Variants in DNAH11 observed in about 807,000 individuals in gnomAD.
The protein encoded by DNAH11 is axonemal beta dynein heavy chain 11.
Under a neutral mutation model 526.0 loss-of-function variants are expected in DNAH11, and 442 were observed. The observed-to-expected ratio is 0.84, with a 90% CI of 0.78 to 0.91. The LOEUF is 0.91. Ranked by LOEUF, DNAH11 falls within the 40% of genes least tolerant of loss-of-function variation. DNAH11 has a pLI of 0.00. For synonymous variants in DNAH11, 2,461 were observed against 1,935.9 expected, an observed-to-expected ratio of 1.27 and a Z score of -7.12; for missense variants, 6,989 against 5,448.7, an observed-to-expected ratio of 1.28 and a Z score of -8.90.
chr7:21,642,396 T>G (rs1212396860), intron 28 of DNAH11, among the ~76,000 whole-genome samples: 1 of 152,136 alleles, frequency 6.6e-6, no homozygotes, highest in Non-Finnish European at 1.5e-5. Context: ...AAATTCAACA[T>G]GCATTCTGAA....
rs746303967 is a variant in DNAH11 at position 21,744,597 on chromosome 7, G to A, written c.8314G>A (p.Glu2772Lys). ...RMLETAYKYF[E>K]GIDSHMLLQQ... ...GCTGGAAACTGCTTATAAATATTTT[G>A]AAGTAAGCGTATGAATGTCAGAGGT... Residue 2772 changes from glutamate to lysine, a missense_variant and splice_region_variant, in exon 50 of 82, where the codon GAA (glutamate) becomes AAA (lysine). By Grantham distance (56) the Glu-to-Lys change is moderately conservative. Coordinates refer to ENST00000409508, the MANE Select transcript of DNAH11 (RefSeq NM_001277115.2). The A allele has an allele frequency of 3.1e-6, 5 of 1,612,732 alleles. No individual in the cohort carries two copies. Among genetic ancestry groups the A allele is most frequent in the Non-Finnish European group, 4.2e-6 (5 of 1,179,640 alleles).
At chr7:21,609,468 C>G (rs942584900) in intron 20 of DNAH11, among the ~76,000 whole-genome samples, 2 of 152,122 alleles carry the variant, frequency 1.3e-5, no homozygotes, top group Admixed American at 1.3e-4. Context: ...GATCTGCCTG[C>G]CTCAGCCTCC....
chr7:21,585,850 C>G (rs75386083), intron 9 of DNAH11, among the ~76,000 whole-genome samples: 2,113 of 152,154 alleles, frequency 0.014, 53 homozygotes, highest in African/African-American at 0.048. Context: ...TTAAGGCAAA[C>G]CTTGCAGATC....
At chr7:21,796,311 T>G (rs1344884876) in intron 61 of DNAH11, among the ~76,000 whole-genome samples, 1 of 152,174 alleles carries the variant, frequency 6.6e-6, no homozygotes, top group East Asian at 1.9e-4. Context: ...GAACTGCCAC[T>G]GTCAGACAGG....
intron 29 of DNAH11, among the ~76,000 whole-genome samples, chr7:21,657,297 G>C (rs533613883): frequency 6.6e-6 from 1 of 152,162 alleles, no homozygotes; most frequent in Non-Finnish European, 1.5e-5. Context: ...GGGGAGTTCC[G>C]AAATGGCCCT....
At chr7:21,684,673 C>T (rs1056343792) in intron 32 of DNAH11, among the ~76,000 whole-genome samples, 8 of 152,112 alleles carry the variant, frequency 5.3e-5, no homozygotes, top group Non-Finnish European at 2.9e-5. Context: ...GACACTTGGC[C>T]AGTTTCAGGG....
intron 36 of DNAH11, among the ~76,000 whole-genome samples, chr7:21,699,496 C>A (rs897577604): frequency 1.3e-5 from 2 of 152,116 alleles, no homozygotes; most frequent in Non-Finnish European, 2.9e-5. Context: ...ACCACAGTTG[C>A]AACCACACAG....
chr7:21,655,949 C>A lies in DNAH11; in HGVS notation c.5062C>A (p.Pro1688Thr). 1 of 1,608,724 alleles carries A rather than the reference C, an allele frequency of 6.2e-7. No individual in the cohort carries two copies. The highest frequency in any genetic ancestry group is 8.5e-7 in the Non-Finnish European group (1 of 1,177,124). Reference protein sequence around the residue: ...GMYSKEKEYVPFQAECECVGH... With the variant: ...GMYSKEKEYVTFQAECECVGH... ...GTACAGCAAAGAAAAGGAGTATGTC[C>A]CATTCCAAGCCGAGTGTGAATGTGT... Residue 1688 changes from proline (P) to threonine (T), a missense_variant, in exon 29 of 82, where the codon CCA becomes ACA. Pro to Thr is a conservative substitution (Grantham distance 38, BLOSUM62 -1). Transcript: ENST00000409508.
At chr7:21,683,737 C>T (rs577337071) in intron 31 of DNAH11, 47 bp from the exon 32 acceptor site, 6 of 1,472,912 alleles carry the variant, frequency 4.1e-6, no homozygotes, top group Non-Finnish European at 5.4e-6. Context: ...AACTTGTTGC[C>T]CCAAACTACC....
intron 35 of DNAH11, among the ~76,000 whole-genome samples, chr7:21,691,496 G>A (rs141140155): frequency 0.012 from 1,794 of 152,086 alleles, 35 homozygotes; most frequent in African/African-American, 0.041. Context: ...CACTCTAGCC[G>A]CAGGGTCCCC....
intron 65 of DNAH11, among the ~76,000 whole-genome samples, chr7:21,823,592 T>C (rs1178171451): frequency 6.6e-6 from 1 of 152,148 alleles, no homozygotes. Flanking sequence ...CCCCTTACAA[T>C]ATGCTTAATT....
In DNAH11 at chr7:21,892,592, C is replaced by T. The variant is rs1364246155; in HGVS notation, c.12675C>T (p.Leu4225=). 1.2e-6 allele frequency: 2 copies of T among 1,613,994 alleles called. No homozygotes were observed. The highest frequency in any genetic ancestry group is 2.7e-5 in the African/African-American group (2 of 75,068). ...IEFLTVTSNT[L]FRTLLEMQPR... ...TCCTGACAGTGACATCCAACACTCT[C>T]TTCAGAACTTTGCTGGAGATGCAGC... The change falls in exon 77 of 82, where the codon CTC becomes CTT. Residue 4225 remains leucine, a synonymous_variant. Coordinates refer to ENST00000409508, the MANE Select transcript of DNAH11 (RefSeq NM_001277115.2).
chr7:21,595,727 T>C (rs1012341058), intron 14 of DNAH11, among the ~76,000 whole-genome samples: 1 of 148,626 alleles, frequency 6.7e-6, no homozygotes, highest in Non-Finnish European at 1.5e-5. Context: ...ATGAGAGGGG[T>C]CCAAACTGAA....
chr7:21,809,795 A>C (rs1789429886), intron 63 of DNAH11, among the ~76,000 whole-genome samples: 2 of 151,894 alleles, frequency 1.3e-5, no homozygotes, highest in African/African-American at 4.8e-5. Context: ...CAAACTCCTG[A>C]CCTCAGGTGA....
intron 74 of DNAH11, among the ~76,000 whole-genome samples, chr7:21,875,735 A>G (rs1240151423): frequency 2.6e-5 from 4 of 152,292 alleles, no homozygotes; most frequent in South Asian, 2.1e-4. Flanking sequence ...AAGCCTATGC[A>G]TGAATTCCCT....
Position 21,601,526 on chromosome 7 carries a change from A to G in DNAH11, c.3556A>G (p.Thr1186Ala), listed in dbSNP as rs946453320. Residue 1186 changes from threonine (T) to alanine (A), a missense_variant, in exon 18 of 82, where the codon ACT becomes GCT. Physicochemically the swap from Thr to Ala is moderately conservative, Grantham distance 58. Transcript: ENST00000409508. Reference protein sequence around the residue: ...LLAVRSRQRATDELFEPLKET... With the variant: ...LLAVRSRQRAADELFEPLKET... ...GGCTGTAAGAAGCCGACAGAGAGCT[A>G]CTGATGAACTCTTTGAACCTCTAAA... The G allele has an allele frequency of 6.2e-6, 10 of 1,613,606 alleles. No homozygotes were observed. The highest frequency in any genetic ancestry group is 1.6e-4 in the Middle Eastern group (1 of 6,080).
chr7:21,721,707 C>T (rs1245850273), intron 44 of DNAH11, among the ~76,000 whole-genome samples: 2 of 152,130 alleles, frequency 1.3e-5, no homozygotes, highest in Non-Finnish European at 1.5e-5. Context: ...TGTCCCAAGG[C>T]CCCACCACCA....
At chr7:21,570,597 A>G in intron 7 of DNAH11, 1 of 224,686 alleles carries the variant, frequency 4.5e-6, no homozygotes, top group Non-Finnish European at 8.6e-6. Context: ...GTTGTAAGTC[A>G]GGAAGCAGTA....
chr7:21,856,775 A>G (rs76535276), intron 68 of DNAH11, among the ~76,000 whole-genome samples: 1 of 100,172 alleles, frequency 1.0e-5, no homozygotes, highest in Non-Finnish European at 2.2e-5. Flanking sequence ...AAAAATTTCA[A>G]CAAATGAGTT....
Sources: gnomAD v4.1 joint callset for allele counts (sites outside exome capture counted in the v4.1 genomes callset) on GRCh38, gnomAD v4.1.1 for gene constraint, MANE v1.5 for transcripts, NCBI Gene and HGNC (gene_info 2026-07-23, HGNC 2026-07-21) for gene names.